HAPLN2: variants seen among roughly 807,000 people sequenced by gnomAD.
HAPLN2 encodes brain link protein-1.
Under a neutral mutation model 29.3 loss-of-function variants are expected in HAPLN2, and 27 were observed. That is an observed-to-expected ratio of 0.92 (90% confidence interval 0.68 to 1.27). The LOEUF (loss-of-function observed/expected upper bound fraction) is 1.27. HAPLN2 is among the 50% of genes most tolerant of loss of function. The pLI, the probability that HAPLN2 is intolerant of heterozygous loss-of-function variation, is 0.00. For missense variants in HAPLN2, 454 were observed against 484.3 expected, an observed-to-expected ratio of 0.94 and a Z score of 0.59; for synonymous variants, 208 against 211.7, an observed-to-expected ratio of 0.98 and a Z score of 0.15.
At chr1:156,610,027 A>C in the HAPLN2 span, among the ~76,000 whole-genome samples, 1 of 151,878 alleles carries the variant, frequency 6.6e-6, no homozygotes, top group East Asian at 1.9e-4. Context: ...CGTCTTGACC[A>C]ACATGGTGAA....
chr1:156,610,480 A>C, the HAPLN2 span, among the ~76,000 whole-genome samples: 188 of 152,258 alleles, frequency 1.2e-3, 1 homozygote, highest in Non-Finnish European at 1.5e-4. Context: ...TCTACTAAAA[A>C]TACAAAAAAA....
rs1391990049 is a variant in HAPLN2, at chr1:156,624,121, A to C, written c.400A>C (p.Ile134Leu). Residue 134 changes from isoleucine to leucine, a missense_variant, in exon 4 of 7, where the codon ATC (isoleucine) becomes CTC (leucine). Ile to Leu is a conservative substitution (Grantham distance 5). This residue lies in a region of HAPLN2 where 204 missense variants were observed against 209.2 expected (regional missense o/e 0.98). Coordinates refer to ENST00000255039, the MANE Select transcript of HAPLN2 (RefSeq NM_021817.3). ...GTACCGCTGCGAGCTCATCAACGGC[A>C]TCGAGGACGAGAGCGTGGCGCTGAC... ...GRYRCELINGIEDESVALTLS... is the reference protein window; with the variant it reads ...GRYRCELINGLEDESVALTLS... 2 of 1,613,652 alleles carry C rather than the reference A, an allele frequency of 1.2e-6. No homozygotes were observed. Among genetic ancestry groups the C allele is most frequent in the Admixed American group, 1.7e-5 (1 of 59,996 alleles).
chr1:156,609,227 G>A, the HAPLN2 span, among the ~76,000 whole-genome samples: 1 of 152,176 alleles, frequency 6.6e-6, no homozygotes, highest in Non-Finnish European at 1.5e-5. Context: ...CGCCCAGAAC[G>A]CTGCAGGGGC....
chr1:156,618,641 T>G (rs1678123287), upstream of HAPLN2, among the ~76,000 whole-genome samples: 1 of 151,516 alleles, frequency 6.6e-6, no homozygotes, highest in Non-Finnish European at 1.5e-5. Flanking sequence ...TAGCCGGGTG[T>G]GGTGGTGGGT....
At chr1:156,609,405 A>G in the HAPLN2 span, among the ~76,000 whole-genome samples, 13 of 152,350 alleles carry the variant, frequency 8.5e-5, no homozygotes, top group African/African-American at 2.6e-4. Context: ...CATTTTCTCT[A>G]TGTGGTAGGA....
the HAPLN2 span, among the ~76,000 whole-genome samples, chr1:156,603,403 C>T: frequency 2.6e-5 from 4 of 151,880 alleles, no homozygotes; most frequent in African/African-American, 9.7e-5. Flanking sequence ...ACAGACAGGG[C>T]TTCAATTTCC....
chr1:156,604,757 A>T, the HAPLN2 span, among the ~76,000 whole-genome samples: 1 of 152,260 alleles, frequency 6.6e-6, no homozygotes, highest in Admixed American at 6.5e-5. Context: ...TGCAAGCTTT[A>T]TACATTGAAG....
chr1:156,610,937 A>C, the HAPLN2 span, among the ~76,000 whole-genome samples: 1 of 152,244 alleles, frequency 6.6e-6, no homozygotes, highest in East Asian at 1.9e-4. Context: ...ACAAACATAA[A>C]AATCATAAGT....
upstream of HAPLN2, among the ~76,000 whole-genome samples, chr1:156,616,578 C>T (rs1276909983): frequency 6.6e-6 from 1 of 152,148 alleles, no homozygotes; most frequent in Non-Finnish European, 1.5e-5. Flanking sequence ...AGTGGCCAGG[C>T]TGTGGAGCCA....
the HAPLN2 span, among the ~76,000 whole-genome samples, chr1:156,610,661 A>AAAAAG: frequency 6.6e-6 from 1 of 151,986 alleles, no homozygotes; most frequent in Non-Finnish European, 1.5e-5. Flanking sequence ...AAGAAAAGAA[A>AAAAAG]AAAAGAAAAG....
the HAPLN2 span, among the ~76,000 whole-genome samples, chr1:156,605,598 C>CAAAAAAA: frequency 4.2e-4 from 27 of 63,586 alleles, no homozygotes; most frequent in East Asian, 1.6e-3. Context: ...GACTTGGTCT[C>CAAAAAAA]AAAAAAAAAA....
In HAPLN2 at chr1:156,625,509, T is replaced by G; in HGVS notation, c.*125T>G. Reference sequence around the variant, plus strand: ...CCGGAGCGGCCTCTCCAGACCTGCCTTCCCAGCCGGGGGCTGCGGGCCTCG... The same window carrying G: ...CCGGAGCGGCCTCTCCAGACCTGCCGTCCCAGCCGGGGGCTGCGGGCCTCG... On this transcript the variant is annotated 3_prime_UTR_variant, in exon 7 of 7. Coordinates refer to ENST00000255039, the MANE Select transcript of HAPLN2 (RefSeq NM_021817.3). The surrounding 1 kb of genome is among the most constrained non-coding windows in gnomAD (Gnocchi z 5.7). The G allele has an allele frequency of 9.2e-6, 9 of 982,322 alleles. No homozygotes were observed. Among genetic ancestry groups the G allele is most frequent in the Non-Finnish European group, 8.4e-6 (6 of 717,248 alleles). 60.9% of individuals were successfully genotyped at this position (982,322 alleles called of 1,614,324 possible). A position where few individuals can be genotyped will look rare whatever the true frequency, so the allele number is the denominator to read the frequency against.
At chr1:156,602,952 G>C in the HAPLN2 span, among the ~76,000 whole-genome samples, 1 of 151,862 alleles carries the variant, frequency 6.6e-6, no homozygotes, top group Non-Finnish European at 1.5e-5. Context: ...CATTTCACAG[G>C]AGAGCCTTGT....
the HAPLN2 span, among the ~76,000 whole-genome samples, chr1:156,608,528 C>T: frequency 1.4e-4 from 21 of 151,590 alleles, no homozygotes; most frequent in African/African-American, 4.6e-4. Context: ...TCTTTCCTTT[C>T]TTTCTTCCTT....
chr1:156,623,474 C>G lies in HAPLN2; in HGVS notation c.-17C>G. 1.2e-6 allele frequency: 2 copies of G among 1,613,596 alleles called. No individual in the cohort carries two copies. The highest frequency in any genetic ancestry group is 2.2e-5 in the East Asian group (1 of 44,876). ...ACTCTTTGTGCCCTGCAGACGGTGC[C>G]GGGCTGACCCCCCATCATGCCAGGC... On this transcript the variant is annotated 5_prime_UTR_variant, in exon 3 of 7. Coordinates refer to ENST00000255039, the MANE Select transcript of HAPLN2 (RefSeq NM_021817.3).
chr1:156,615,252 T>C (rs1678029656), upstream of HAPLN2: 1 of 152,196 alleles, frequency 6.6e-6, no homozygotes. Context: ...CTGTAAAGGT[T>C]TGTACTGCAG....
At chr1:156,608,732 G>A in the HAPLN2 span, among the ~76,000 whole-genome samples, 6 of 151,914 alleles carry the variant, frequency 3.9e-5, no homozygotes, top group South Asian at 1.0e-3. Flanking sequence ...TAGTAGAGAC[G>A]GGGTTTCACC....
chr1:156,622,051 A>C (rs573570471), intron 2 of HAPLN2, among the ~76,000 whole-genome samples: 20 of 152,272 alleles, frequency 1.3e-4, no homozygotes, highest in Middle Eastern at 3.4e-3. Context: ...TAACTTTATA[A>C]TTTTATATTT....
Position 156,624,753 on chromosome 1 carries a change from G to GGT in HAPLN2, c.709_710insGT (p.Asp237GlyfsTer21), listed in dbSNP as rs1485008411. 1 of 1,540,088 alleles carries GGT rather than the reference G, an allele frequency of 6.5e-7. No individual in the cohort carries two copies. Among genetic ancestry groups the GGT allele is most frequent in the East Asian group, 2.3e-5 (1 of 42,834 alleles). ...CCGCGACCGGATGCGCGACCGCTAC[G>GGT]ACGCCTTCTGCTTCACCTCCGCGCT... On this transcript the variant is annotated frameshift_variant, in exon 6 of 7. Transcript: ENST00000255039. LOFTEE classifies it low-confidence loss of function (END_TRUNC).
Sources: gnomAD v4.1 joint callset for allele counts (sites outside exome capture counted in the v4.1 genomes callset) on GRCh38, gnomAD v4.1.1 for gene constraint, gnomAD v4.1.1 regional missense constraint, Gnocchi (gnomAD v3.1) non-coding constraint, MANE v1.5 for transcripts, NCBI Gene and HGNC (gene_info 2026-07-23, HGNC 2026-07-21) for gene names.